The following AGBL4 variants were observed in gnomAD, a reference collection of about 807,000 sequenced individuals.
AGBL4 encodes the protein AGBL carboxypeptidase 4.
AGBL4 carries 58 observed loss-of-function variants against 66.4 expected under a neutral mutation model. The ratio of observed to expected loss-of-function variants is 0.87; its 90% CI spans 0.71 to 1.09. AGBL4 has a LOEUF of 1.09. AGBL4 is among the 50% of genes least tolerant of loss of function. The probability of loss-of-function intolerance (pLI) is 0.00; values close to 1 mark genes in which losing one functional copy is unlikely to be tolerated. For missense variants in AGBL4, 579 were observed against 631.0 expected, an observed-to-expected ratio of 0.92 and a Z score of 0.88; for synonymous variants, 234 against 222.9, an observed-to-expected ratio of 1.05 and a Z score of -0.44.
intron 3 of AGBL4, among the ~76,000 whole-genome samples, chr1:49,645,395 TC>T (rs1645865046): frequency 9.4e-6 from 1 of 106,548 alleles, no homozygotes; most frequent in Non-Finnish European, 2.4e-5. Context: ...CCTATAATTA[TC>T]AAAAAAAATT....
chr1:48,601,223 G>T (rs565718649), intron 9 of AGBL4, among the ~76,000 whole-genome samples: 1 of 152,278 alleles, frequency 6.6e-6, no homozygotes, highest in Non-Finnish European at 1.5e-5. Context: ...AAGACCTGTA[G>T]AATTCACTTT....
chr1:49,116,361 C>G, intron 4 of AGBL4, among the ~76,000 whole-genome samples: 1 of 152,104 alleles, frequency 6.6e-6, no homozygotes, highest in South Asian at 2.1e-4. Flanking sequence ...TAATGCTATC[C>G]CTCCTCCATA....
chr1:48,554,719 T>C (rs1209532370), intron 11 of AGBL4, among the ~76,000 whole-genome samples: 1 of 152,154 alleles, frequency 6.6e-6, no homozygotes, highest in Non-Finnish European at 1.5e-5. Flanking sequence ...ACTGTGCTAG[T>C]TTCATTTATT....
At chr1:49,881,713 C>T (rs539023088) in intron 1 of AGBL4, among the ~76,000 whole-genome samples, 135 of 150,948 alleles carry the variant, frequency 8.9e-4, no homozygotes, top group Admixed American at 2.4e-3. Context: ...TCATGTCCCT[C>T]GCCCACTTTT....
rs1221318751 is a variant in AGBL4 at position 49,845,131 on chromosome 1, C to T, written c.157+6265G>A. On this transcript the variant is annotated intron_variant, in intron 2 of 13. Coordinates refer to ENST00000371839, the MANE Select transcript of AGBL4 (RefSeq NM_032785.4). ...TCACAGCTCAGCACTTACCCAACAC[C>T]ACCGTACGCATACAGGACAGAGACC... 3 of 1,404,768 alleles carry T rather than the reference C, an allele frequency of 2.1e-6. No individual in the cohort carries two copies. The African/African-American group carries it at 4.2e-5, about 20-fold the overall frequency. 87.0% of individuals were successfully genotyped at this position (1,404,768 alleles called of 1,614,324 possible).
In AGBL4 at chr1:48,886,113, C is replaced by T. The variant is rs1650307977; in HGVS notation, c.595-18883G>A. On this transcript the variant is annotated intron_variant, in intron 5 of 13. Transcript: ENST00000371839. ...CACCAGCAGGTGAGGAAGTAGGTGG[C>T]TAAGAGCCCTGCCTGAGGAGGTGGG... Among the ~76,000 whole-genome samples, 6 of 152,142 alleles carry T rather than the reference C, an allele frequency of 3.9e-5. No individual in the cohort carries two copies. In the South Asian group the frequency reaches 1.2e-3, roughly 32 times the overall value.
At chr1:49,287,036 C>G (rs1219618510) in intron 3 of AGBL4, among the ~76,000 whole-genome samples, 6 of 150,944 alleles carry the variant, frequency 4.0e-5, no homozygotes, top group African/African-American at 1.5e-4. Context: ...TGGAACAGAA[C>G]AGAGCCCTCA....
intron 8 of AGBL4, among the ~76,000 whole-genome samples, chr1:48,650,295 C>T (rs371347614): frequency 6.6e-6 from 1 of 152,184 alleles, no homozygotes; most frequent in Non-Finnish European, 1.5e-5. Context: ...AGAGTCTGCA[C>T]GTCCAGAGGG....
chr1:49,051,443 C>G (rs894603871), intron 4 of AGBL4, among the ~76,000 whole-genome samples: 1 of 152,144 alleles, frequency 6.6e-6, no homozygotes, highest in Non-Finnish European at 1.5e-5. Context: ...CTTACTTCAT[C>G]TACTCAGGGG....
chr1:49,625,401 A>C (rs530015331), intron 3 of AGBL4, among the ~76,000 whole-genome samples: 3 of 152,304 alleles, frequency 2.0e-5, no homozygotes, highest in East Asian at 3.9e-4. Context: ...AAAATAAAGT[A>C]ATCCCCTGAA....
chr1:49,757,969 C>T (rs1652015976), intron 2 of AGBL4, among the ~76,000 whole-genome samples: 1 of 152,156 alleles, frequency 6.6e-6, no homozygotes, highest in Admixed American at 6.5e-5. Flanking sequence ...ACAGCATCCC[C>T]TCCCTGTAGG....
intron 6 of AGBL4, among the ~76,000 whole-genome samples, chr1:48,691,788 T>A (rs946398579): frequency 6.6e-6 from 1 of 152,100 alleles, no homozygotes; most frequent in Admixed American, 6.5e-5. Context: ...GAACCCAGCC[T>A]CCCTCCTCTC....
At chr1:50,023,228 A>T (rs1195471124) in intron 1 of AGBL4, among the ~76,000 whole-genome samples, 1 of 152,152 alleles carries the variant, frequency 6.6e-6, no homozygotes, top group Non-Finnish European at 1.5e-5. Context: ...ACCAGGAGTG[A>T]CCCTGAGGAC....
chr1:48,752,183 G>T (rs1006799499), intron 6 of AGBL4, among the ~76,000 whole-genome samples: 2 of 152,106 alleles, frequency 1.3e-5, no homozygotes, highest in African/African-American at 4.8e-5. Context: ...TTGTCCACCC[G>T]CTTTGGGCCT....
chr1:49,623,685 T>C lies in AGBL4; in HGVS notation c.282+73628A>G, dbSNP rs532284087. 1.2e-3 allele frequency among the ~76,000 whole-genome samples: 182 copies of C among 152,312 alleles called. 1 individual carries two copies. Among genetic ancestry groups the C allele is most frequent in the African/African-American group, 4.3e-3 (177 of 41,576 alleles). ...TCATTACAATCTGACAAACCAAAAA[T>C]ACAGTGTTGTGAAATGAGAATGCAA... On this transcript the variant is annotated intron_variant, in intron 3 of 13. Coordinates refer to ENST00000371839, the MANE Select transcript of AGBL4 (RefSeq NM_032785.4).
chr1:49,843,081 C>T (rs1162927147), intron 2 of AGBL4, among the ~76,000 whole-genome samples: 1 of 152,100 alleles, frequency 6.6e-6, no homozygotes. Context: ...TGGCCTGTCA[C>T]CAGAGTCCAG....
chr1:48,947,822 G>A lies in AGBL4; in HGVS notation c.595-80592C>T, dbSNP rs1388322935. Among the ~76,000 whole-genome samples, 6 of 149,840 alleles carry A rather than the reference G, an allele frequency of 4.0e-5. No homozygotes were observed. The East Asian group carries it at 1.2e-3, about 29-fold the overall frequency. ...CACACTAAAGTATGAATGATGGATT[G>A]TCCTTTAAATTTTTTTTTTCTCTCT... On this transcript the variant is annotated intron_variant, in intron 5 of 13. Coordinates refer to ENST00000371839, the MANE Select transcript of AGBL4 (RefSeq NM_032785.4).
At chr1:49,882,628 G>A (rs548617034) in intron 1 of AGBL4, among the ~76,000 whole-genome samples, 1 of 152,186 alleles carries the variant, frequency 6.6e-6, no homozygotes, top group African/African-American at 2.4e-5. Context: ...GGATTCCTAG[G>A]TATTTTATTC....
chr1:49,696,549 G>A (rs1292646362), intron 3 of AGBL4, among the ~76,000 whole-genome samples: 1 of 151,910 alleles, frequency 6.6e-6, no homozygotes, highest in African/African-American at 2.4e-5. Context: ...ATTATTCAAA[G>A]TATTGTATAA....
Sources: gnomAD v4.1 joint callset for allele counts (sites outside exome capture counted in the v4.1 genomes callset) on GRCh38, gnomAD v4.1.1 for gene constraint, MANE v1.5 for transcripts, NCBI Gene and HGNC (gene_info 2026-07-23, HGNC 2026-07-21) for gene names.